Variants in CHMP3 observed in about 807,000 individuals in gnomAD.
CHMP3 encodes 25.1 protein.
In CHMP3, 8 loss-of-function variants were observed where a neutral mutation model predicts 27.4. The ratio of observed to expected loss-of-function variants is 0.29; its 90% confidence interval spans 0.17 to 0.53. The LOEUF is 0.53. Among genes scored for constraint, CHMP3 ranks in the 20% least tolerant of loss-of-function variants. CHMP3 has a pLI of 0.96. For synonymous variants in CHMP3, 86 were observed against 85.5 expected (o/e 1.01, Z -0.03); for missense variants, 208 against 271.5 (o/e 0.77, Z 1.64).
chr2:86,515,849 A>C (rs1166950471), intron 3 of CHMP3, among the ~76,000 whole-genome samples: 1 of 152,128 alleles, frequency 6.6e-6, no homozygotes, highest in East Asian at 1.9e-4. Flanking sequence ...AAATTCCAGA[A>C]CATTTCTTTA....
intron 1 of CHMP3, among the ~76,000 whole-genome samples, chr2:86,553,394 C>CA (rs1352079752): frequency 6.6e-6 from 1 of 152,158 alleles, no homozygotes; most frequent in East Asian, 1.9e-4. Context: ...TGCAGTGGCA[C>CA]AATCTAGGCT....
intron 4 of CHMP3, among the ~76,000 whole-genome samples, chr2:86,508,338 C>A (rs1306336750): frequency 6.6e-6 from 1 of 152,200 alleles, no homozygotes; most frequent in East Asian, 1.9e-4. Context: ...CCCAACCTAG[C>A]CCTGCAGTCT....
chr2:86,535,011 C>G (rs1355003427), intron 2 of CHMP3, among the ~76,000 whole-genome samples: 1 of 152,160 alleles, frequency 6.6e-6, no homozygotes, highest in Non-Finnish European at 1.5e-5. Context: ...AATCCTAGCA[C>G]TTTGGGAGGC....
intron 3 of CHMP3, chr2:86,510,938 G>T (rs1419639251): frequency 6.4e-6 from 1 of 156,744 alleles, no homozygotes; most frequent in Non-Finnish European, 1.4e-5. Flanking sequence ...TCAGAAAAAT[G>T]AGAGAAACTA....
intron 4 of CHMP3, among the ~76,000 whole-genome samples, chr2:86,509,195 G>A (rs911698214): frequency 9.9e-5 from 15 of 152,280 alleles, no homozygotes; most frequent in African/African-American, 3.6e-4. Flanking sequence ...TCTGAAAAAG[G>A]CTTCCCTCTC....
intron 5 of CHMP3, chr2:86,507,183 G>A: frequency 8.4e-6 from 2 of 237,522 alleles, no homozygotes; most frequent in Non-Finnish European, 8.3e-6. Context: ...GCTTTTGAAT[G>A]GCTATGGCCA....
intron 3 of CHMP3, among the ~76,000 whole-genome samples, chr2:86,513,460 G>C (rs150756116): frequency 6.6e-6 from 1 of 152,190 alleles, no homozygotes; most frequent in Non-Finnish European, 1.5e-5. Context: ...CCCATCGAAT[G>C]TACAACACCA....
chr2:86,516,247 T>A (rs1675303438), intron 3 of CHMP3, among the ~76,000 whole-genome samples: 2 of 150,036 alleles, frequency 1.3e-5, no homozygotes, highest in Non-Finnish European at 3.0e-5. Flanking sequence ...AGACAGAACA[T>A]CCACATACTG....
intron 2 of CHMP3, among the ~76,000 whole-genome samples, chr2:86,531,250 C>G (rs970018287): frequency 5.3e-5 from 8 of 152,136 alleles, no homozygotes; most frequent in African/African-American, 1.9e-4. Context: ...CTCAAGCAAT[C>G]TACCCACCAC....
At chr2:86,509,542 A>C (rs1222576134) in intron 4 of CHMP3, among the ~76,000 whole-genome samples, 1 of 152,134 alleles carries the variant, frequency 6.6e-6, no homozygotes, top group East Asian at 1.9e-4. Context: ...GCCTCTATAC[A>C]AGAATTTGAG....
intron 2 of CHMP3, among the ~76,000 whole-genome samples, chr2:86,531,341 G>T (rs781745210): frequency 1.2e-4 from 18 of 151,968 alleles, no homozygotes; most frequent in Non-Finnish European, 1.0e-4. Flanking sequence ...AAAAATTTTT[G>T]ATTTTCATGA....
chr2:86,520,049 A>G (rs188408209), intron 3 of CHMP3, among the ~76,000 whole-genome samples: 12 of 152,370 alleles, frequency 7.9e-5, no homozygotes, highest in African/African-American at 2.4e-4. Flanking sequence ...TAGACTAACA[A>G]AAGCAAACTG....
chr2:86,517,549 G>C (rs532642552), intron 3 of CHMP3, among the ~76,000 whole-genome samples: 1 of 130,968 alleles, frequency 7.6e-6, no homozygotes, highest in East Asian at 2.4e-4. Flanking sequence ...CTGGGAGACA[G>C]AGCGAGACTC....
At chr2:86,525,197 G>T (rs371743878) in intron 3 of CHMP3, among the ~76,000 whole-genome samples, 60 of 152,192 alleles carry the variant, frequency 3.9e-4, no homozygotes, top group East Asian at 2.5e-3. Flanking sequence ...CTTTAATTAT[G>T]TGTATTTTAC....
rs577596099 is a variant in CHMP3, at chr2:86,516,756, G to A, written c.287-6277C>T. Among the ~76,000 whole-genome samples, 12 of 152,302 alleles carry A rather than the reference G, an allele frequency of 7.9e-5. 1 individual carries two copies. The East Asian group carries it at 2.3e-3, about 29-fold the overall frequency. On this transcript the variant is annotated intron_variant, in intron 3 of 5. Coordinates refer to ENST00000263856, the MANE Select transcript of CHMP3 (RefSeq NM_016079.4). ...TAATTTCCATAGAAGTATGCTGAGT[G>A]AAAAAAGCCAATCCCAAGAAGTTAC...
intron 3 of CHMP3, among the ~76,000 whole-genome samples, chr2:86,512,975 C>A (rs1342386517): frequency 2.0e-5 from 3 of 152,206 alleles, no homozygotes; most frequent in African/African-American, 7.2e-5. Flanking sequence ...AGACACACAC[C>A]TACCATATGA....
intron 1 of CHMP3, among the ~76,000 whole-genome samples, chr2:86,561,368 C>T (rs1219556188): frequency 6.6e-6 from 1 of 152,080 alleles, no homozygotes; most frequent in African/African-American, 2.4e-5. Flanking sequence ...AATATGTTAG[C>T]TAAAGGTGGT....
intron 1 of CHMP3, chr2:86,562,940 G>A (rs374856924): frequency 1.0e-5 from 2 of 200,028 alleles, no homozygotes; most frequent in African/African-American, 2.3e-5. Flanking sequence ...GTGGTCCGCA[G>A]CCGGGCTGGA....
At position 86,510,538 on chromosome 2, in the gene CHMP3, C is replaced by T. The variant is rs1675065857; in HGVS notation, c.287-59G>A. 8.2e-6 allele frequency: 13 copies of T among 1,583,556 alleles called. No individual in the cohort carries two copies. The South Asian group carries it at 1.5e-4, about 18-fold the overall frequency. ...ACAGGATGGAATAGAGAGAGACAGC[C>T]AAATTATGAGCCATTCCAATAAATG... On this transcript the variant is annotated intron_variant, in intron 3 of 5. Coordinates refer to ENST00000263856, the MANE Select transcript of CHMP3 (RefSeq NM_016079.4).
Sources: gnomAD v4.1 joint callset for allele counts (sites outside exome capture counted in the v4.1 genomes callset) on GRCh38, gnomAD v4.1.1 for gene constraint, MANE v1.5 for transcripts, NCBI Gene and HGNC (gene_info 2026-07-23, HGNC 2026-07-21) for gene names.